LEP: variants seen among roughly 807,000 people sequenced by gnomAD.
LEP encodes the protein leptin.
LEP carries 6 observed loss-of-function variants against 9.8 expected under a neutral mutation model. That is an observed-to-expected ratio of 0.61 (90% CI 0.34 to 1.21). LEP has a LOEUF of 1.21. Among genes scored for constraint, LEP ranks in the 50% most tolerant of loss-of-function variants. The pLI is 0.04. For synonymous variants in LEP, 112 were observed against 81.7 expected (o/e 1.37, Z -2.00); for missense variants, 134 against 198.1 (o/e 0.68, Z 1.94).
chr7:128,246,159 C>A (rs1795208736), intron 1 of LEP, among the ~76,000 whole-genome samples: 1 of 152,068 alleles, frequency 6.6e-6, no homozygotes, highest in South Asian at 2.1e-4. Flanking sequence ...ATTGAGGTCC[C>A]CAGGATGGAG....
At chr7:128,247,350 G>A (rs1286043606) in intron 1 of LEP, among the ~76,000 whole-genome samples, 1 of 152,162 alleles carries the variant, frequency 6.6e-6, no homozygotes, top group Non-Finnish European at 1.5e-5. Flanking sequence ...TAGGACATCA[G>A]CAGGAGCCCA....
intron 2 of LEP, among the ~76,000 whole-genome samples, chr7:128,253,217 T>C (rs2116224671): frequency 6.6e-6 from 1 of 152,264 alleles, no homozygotes; most frequent in Admixed American, 6.5e-5. Flanking sequence ...TCATTAGGGT[T>C]CTTGTAGTTC....
intron 1 of LEP, among the ~76,000 whole-genome samples, chr7:128,250,706 A>G (rs145609186): frequency 6.6e-6 from 1 of 152,334 alleles, no homozygotes; most frequent in African/African-American, 2.4e-5. Flanking sequence ...ATTGCCATCT[A>G]TGGACAGAAA....
chr7:128,254,733 G>T lies in LEP; in HGVS notation c.474G>T (p.Leu158=). Residue 158 remains leucine (L), a synonymous_variant, in exon 3 of 3, where the codon CTG becomes CTT. Coordinates refer to ENST00000308868, the MANE Select transcript of LEP (RefSeq NM_000230.3). ...SRLQGSLQDM[L]WQLDLSPGC is the part of the protein sequence containing the mutation. The stretch of plus-strand genomic sequence containing the variant: ...TGCAGGGGTCTCTGCAGGACATGCT[G>T]TGGCAGCTGGACCTCAGCCCTGGGT... The T allele has an allele frequency of 1.9e-6, 3 of 1,612,248 alleles. No homozygotes were observed. The highest frequency in any genetic ancestry group is 2.5e-6 in the Non-Finnish European group (3 of 1,179,970).
chr7:128,254,587 G>A lies in LEP; in HGVS notation c.328G>A (p.Val110Met), dbSNP rs1800564. Residue 110 changes from valine (V) to methionine (M), a missense_variant, in exon 3 of 3, where the codon GTG becomes ATG. Transcript: ENST00000308868. ...DLENLRDLLH[V>M]LAFSKSCHLP... ...GGAGAACCTCCGGGATCTTCTTCAC[G>A]TGCTGGCCTTCTCTAAGAGCTGCCA... The A allele has an allele frequency of 1.5e-4, 246 of 1,614,044 alleles. No homozygotes were observed. Among genetic ancestry groups the A allele is most frequent in the Non-Finnish European group, 1.6e-4 (194 of 1,180,032 alleles).
chr7:128,241,805 A>G (rs560557436), intron 1 of LEP, among the ~76,000 whole-genome samples: 15 of 152,344 alleles, frequency 9.8e-5, no homozygotes, highest in Admixed American at 2.6e-4. Flanking sequence ...GGGGCTGTGT[A>G]AGGCCAATGC....
intron 1 of LEP, among the ~76,000 whole-genome samples, chr7:128,242,189 G>C (rs1238662786): frequency 6.6e-6 from 1 of 152,162 alleles, no homozygotes; most frequent in African/African-American, 2.4e-5. Flanking sequence ...AAGTGGCCTG[G>C]CTGTCATTTC....
At chr7:128,245,677 C>G (rs371212476) in intron 1 of LEP, among the ~76,000 whole-genome samples, 28 of 152,310 alleles carry the variant, frequency 1.8e-4, no homozygotes, top group African/African-American at 6.5e-4. Flanking sequence ...CAGTAGCATA[C>G]AAAAGACTCG....
At chr7:128,249,323 C>T (rs183846952) in intron 1 of LEP, among the ~76,000 whole-genome samples, 1 of 152,376 alleles carries the variant, frequency 6.6e-6, no homozygotes, top group East Asian at 1.9e-4. Context: ...TCAGCTCCAT[C>T]AACCTCAGGA....
intron 2 of LEP, among the ~76,000 whole-genome samples, chr7:128,253,925 G>A (rs1174832388): frequency 2.0e-5 from 3 of 152,124 alleles, no homozygotes; most frequent in Non-Finnish European, 4.4e-5. Context: ...TGGAGTCACT[G>A]GAGCAGGGTT....
chr7:128,241,625 T>G (rs1031788329), intron 1 of LEP, among the ~76,000 whole-genome samples: 17 of 152,210 alleles, frequency 1.1e-4, no homozygotes, highest in Admixed American at 8.5e-4. Context: ...GAAATTGCCT[T>G]GGGCACATCC....
chr7:128,245,996 G>A (rs1016085055), intron 1 of LEP, among the ~76,000 whole-genome samples: 6 of 151,918 alleles, frequency 3.9e-5, no homozygotes, highest in South Asian at 2.1e-4. Context: ...GCTTGAACCC[G>A]GGAGGCGGAG....
chr7:128,246,071 AAAAAAAATAAAAAAAT>A (rs1166357738), intron 1 of LEP, among the ~76,000 whole-genome samples: 2 of 152,010 alleles, frequency 1.3e-5, no homozygotes, highest in African/African-American at 4.8e-5. Flanking sequence ...ACTCCGTCAA[AAAAAAAATAAAAAAAT>A]AAAAAAATAA....
intron 2 of LEP, among the ~76,000 whole-genome samples, chr7:128,252,901 A>T (rs1279280351): frequency 6.6e-6 from 1 of 152,190 alleles, no homozygotes; most frequent in South Asian, 2.1e-4. Flanking sequence ...TTAAAAAAAT[A>T]AAAATTAAAG....
At position 128,254,592 on chromosome 7, in the gene LEP, G is replaced by A. The variant is rs1313997167; in HGVS notation, c.333G>A (p.Leu111=). The A allele has an allele frequency of 1.2e-6, 2 of 1,614,168 alleles. No individual in the cohort carries two copies. Among genetic ancestry groups the A allele is most frequent in the Non-Finnish European group, 1.7e-6 (2 of 1,180,008 alleles). ...LENLRDLLHV[L]AFSKSCHLPW... Reference sequence around the variant, plus strand: ...ACCTCCGGGATCTTCTTCACGTGCTGGCCTTCTCTAAGAGCTGCCACTTGC... The same window carrying A: ...ACCTCCGGGATCTTCTTCACGTGCTAGCCTTCTCTAAGAGCTGCCACTTGC... The change falls in exon 3 of 3, where the codon CTG becomes CTA. Residue 111 remains leucine (L), a synonymous_variant. Coordinates refer to ENST00000308868, the MANE Select transcript of LEP (RefSeq NM_000230.3).
intron 1 of LEP, among the ~76,000 whole-genome samples, chr7:128,247,575 G>C (rs925881186): frequency 2.0e-5 from 3 of 152,082 alleles, no homozygotes; most frequent in Admixed American, 6.5e-5. Context: ...ACCCACCTGT[G>C]TTCTTCCACC....
intron 1 of LEP, among the ~76,000 whole-genome samples, chr7:128,241,854 CA>C (rs1470705344): frequency 1.3e-5 from 2 of 152,166 alleles, no homozygotes; most frequent in Admixed American, 6.5e-5. Context: ...TGGGGGGAAA[CA>C]AGTGTCAGGA....
At position 128,254,968 on chromosome 7, in the gene LEP, T is replaced by C; in HGVS notation, c.*205T>C. The C allele has an allele frequency of 1.7e-6, 1 of 576,200 alleles. No individual in the cohort carries two copies. The highest frequency in any genetic ancestry group is 3.1e-6 in the Non-Finnish European group (1 of 321,826). 35.7% of individuals were successfully genotyped at this position (576,200 alleles called of 1,614,324 possible). ...AACCAAAGATATATACACAGGATCC[T>C]ATTCTCACCAGGAAGGGGGTCCACC... On this transcript the variant is annotated 3_prime_UTR_variant, in exon 3 of 3. Coordinates refer to ENST00000308868, the MANE Select transcript of LEP (RefSeq NM_000230.3).
chr7:128,254,640 C>G lies in LEP; in HGVS notation c.381C>G (p.Thr127=). Residue 127 remains threonine (T), a synonymous_variant, in exon 3 of 3, where the codon ACC becomes ACG. Transcript: ENST00000308868. ...TGCCCTGGGCCAGTGGCCTGGAGACCTTGGACAGCCTGGGGGGTGTCCTGG... is the reference window on the plus strand; with the variant it reads ...TGCCCTGGGCCAGTGGCCTGGAGACGTTGGACAGCCTGGGGGGTGTCCTGG... ...CHLPWASGLE[T]LDSLGGVLEA... 1 of 1,614,162 alleles carries G rather than the reference C, an allele frequency of 6.2e-7. No individual in the cohort carries two copies. The highest frequency in any genetic ancestry group is 8.5e-7 in the Non-Finnish European group (1 of 1,180,026).
Sources: gnomAD v4.1 joint callset for allele counts (sites outside exome capture counted in the v4.1 genomes callset) on GRCh38, gnomAD v4.1.1 for gene constraint, MANE v1.5 for transcripts, NCBI Gene and HGNC (gene_info 2026-07-23, HGNC 2026-07-21) for gene names.